The following GNAS variants were observed in gnomAD, a reference collection of about 807,000 sequenced individuals.
GNAS encodes protein ALEX.
A neutral mutation model predicts 54.5 loss-of-function variants in GNAS; 8 were observed. The ratio of observed to expected loss-of-function variants is 0.15; its 90% CI spans 0.09 to 0.26. The LOEUF (loss-of-function observed/expected upper bound fraction) is 0.26. Ranked by LOEUF, GNAS falls within the 10% of genes least tolerant of loss-of-function variation. The pLI is 1.00. For missense variants in GNAS, 170 were observed against 529.8 expected (o/e 0.32, Z 6.67); for synonymous variants, 204 against 191.4 (o/e 1.07, Z -0.54).
chr20:58,894,568 C>T (rs550854325), intron 1 of GNAS, among the ~76,000 whole-genome samples: 3 of 152,108 alleles, frequency 2.0e-5, no homozygotes, highest in Non-Finnish European at 2.9e-5. Context: ...AAACTTCACA[C>T]GTGGATTATC....
chr20:58,896,095 C>G (rs957746296), intron 2 of GNAS, among the ~76,000 whole-genome samples: 6 of 152,138 alleles, frequency 3.9e-5, no homozygotes, highest in African/African-American at 1.4e-4. Flanking sequence ...GCAAATTCAC[C>G]CCACCCCACC....
upstream of GNAS, chr20:58,889,193 C>T (rs1234717482): frequency 1.3e-5 from 16 of 1,215,090 alleles, no homozygotes; most frequent in East Asian, 6.3e-4. Context: ...CGCGTCGGCA[C>T]CGCGGAGCGG....
intron 3 of GNAS, among the ~76,000 whole-genome samples, chr20:58,901,122 C>CT (rs1490319270): frequency 1.3e-5 from 2 of 152,156 alleles, no homozygotes; most frequent in African/African-American, 4.8e-5. Flanking sequence ...ACCTCAAAAC[C>CT]AAAGGTTAAT....
intron 1 of GNAS, among the ~76,000 whole-genome samples, chr20:58,851,504 A>T (rs939752683): frequency 2.6e-5 from 4 of 151,984 alleles, no homozygotes; most frequent in African/African-American, 9.7e-5. Flanking sequence ...AATCTGTCTC[A>T]CTGGTGAGAC....
chr20:58,878,019 A>C (rs1382066493), intron 1 of GNAS, among the ~76,000 whole-genome samples: 1 of 152,148 alleles, frequency 6.6e-6, no homozygotes, highest in Non-Finnish European at 1.5e-5. Context: ...AAAAACAAAG[A>C]AGGTGCATTA....
chr20:58,889,345 C>G, upstream of GNAS: 1 of 985,922 alleles, frequency 1.0e-6, no homozygotes, highest in Non-Finnish European at 1.2e-6. Flanking sequence ...GAGTGCACCT[C>G]ACTCACATGT....
Position 58,895,680 on chromosome 20 carries a change from G to A in GNAS, c.208G>A (p.Gly70Arg). 1 of 1,562,834 alleles carries A rather than the reference G, an allele frequency of 6.4e-7. No homozygotes were observed. Among genetic ancestry groups the A allele is most frequent in the Non-Finnish European group, 8.8e-7 (1 of 1,132,986 alleles). Reference protein sequence around the residue: ...MRILHVNGFNGEGGEEDPQAA... With the variant: ...MRILHVNGFNREGGEEDPQAA... ...GATCCTGCATGTTAATGGGTTTAAT[G>A]GAGAGTAAGTGTCAAATCTGTGCAG... Residue 70 changes from glycine (G) to arginine (R), a missense_variant, in exon 2 of 13, where the codon GGA becomes AGA. Gly to Arg is a moderately radical substitution (Grantham distance 125). Transcript: ENST00000371085.
At chr20:58,886,701 T>C (rs552670202), upstream of GNAS, among the ~76,000 whole-genome samples, 3 of 151,754 alleles carry the variant, frequency 2.0e-5, no homozygotes, top group Non-Finnish European at 4.4e-5. Flanking sequence ...AGAGGTCAAA[T>C]TTGAGGCCAA....
At chr20:58,843,214 C>T (rs1222794646) in intron 1 of GNAS, 1 of 147,212 alleles carries the variant, frequency 6.8e-6, no homozygotes, top group Non-Finnish European at 1.5e-5. Context: ...CAATTCTCCT[C>T]CCCCGCTCAA....
rs766370003 is a variant in GNAS at position 58,910,441 on chromosome 20, C to G, written c.1038+40C>G. 2 of 1,445,410 alleles carry G rather than the reference C, an allele frequency of 1.4e-6. No homozygotes were observed. 89.5% of individuals were successfully genotyped at this position (1,445,410 alleles called of 1,614,324 possible). A position where few individuals can be genotyped will look rare whatever the true frequency, so the allele number is the denominator to read the frequency against. On this transcript the variant is annotated intron_variant, in intron 12 of 12. Transcript: ENST00000371085. This position sits in a 1 kb window ranked among gnomAD's most constrained non-coding sequence, Gnocchi z 5.8. ...TCTTTAGTTTCCTCTCTTGTTCCTC[C>G]TCTTTTTCTCATGGATGTAAATTTA...
intron 6 of GNAS, among the ~76,000 whole-genome samples, chr20:58,905,950 G>A (rs1018881478): frequency 1.3e-5 from 2 of 152,226 alleles, no homozygotes; most frequent in South Asian, 2.1e-4. Flanking sequence ...TCAGGTAAGC[G>A]ACTCTAGTAG....
chr20:58,891,445 G>A lies in GNAS; in HGVS notation c.-282G>A. 1.7e-6 allele frequency: 1 copy of A among 580,922 alleles called. No individual in the cohort carries two copies. Among genetic ancestry groups the A allele is most frequent in the Non-Finnish European group, 2.2e-6 (1 of 462,446 alleles). 36.0% of individuals were successfully genotyped at this position (580,922 alleles called of 1,614,324 possible). A position where few individuals can be genotyped will look rare whatever the true frequency, so the allele number is the denominator to read the frequency against. ...CAGCAGCTCCCGCAGCTCCTGCTCT[G>A]GTCCGCCTCGGCCCGGCGGCGGCCA... On this transcript the variant is annotated 5_prime_UTR_variant, in exon 1 of 13. Transcript: ENST00000371085.
chr20:58,889,797 CGGG>C, upstream of GNAS, among the ~76,000 whole-genome samples: 1 of 151,046 alleles, frequency 6.6e-6, no homozygotes, highest in South Asian at 2.1e-4. Flanking sequence ...ACGGGGCGCA[CGGG>C]GGCCGGGCAG....
intron 1 of GNAS, among the ~76,000 whole-genome samples, chr20:58,876,079 A>T (rs1409541253): frequency 6.6e-6 from 1 of 152,188 alleles, no homozygotes; most frequent in Non-Finnish European, 1.5e-5. Context: ...TCAGAGGTGT[A>T]TTAACAGCTA....
At chr20:58,861,483 C>G (rs924574513) in intron 1 of GNAS, among the ~76,000 whole-genome samples, 1 of 152,162 alleles carries the variant, frequency 6.6e-6, no homozygotes, top group Non-Finnish European at 1.5e-5. Context: ...TTGTTCCCAT[C>G]AGATTCCTGT....
At chr20:58,843,488 C>T in intron 1 of GNAS, 1 of 152,418 alleles carries the variant, frequency 6.6e-6, no homozygotes, top group Non-Finnish European at 1.5e-5. Flanking sequence ...GGCCCTTTGC[C>T]CCACCCTGCT....
intron 1 of GNAS, chr20:58,855,835 C>A: frequency 1.7e-6 from 1 of 590,370 alleles, no homozygotes; most frequent in East Asian, 2.8e-5. Context: ...GTGCATGATA[C>A]GCTGAAGTGT....
intron 1 of GNAS, among the ~76,000 whole-genome samples, chr20:58,870,104 A>C (rs2087341630): frequency 6.6e-6 from 1 of 152,182 alleles, no homozygotes. Flanking sequence ...TTTCTGATCA[A>C]ATTTACCCTC....
chr20:58,893,107 AG>A (rs1324595821), intron 1 of GNAS, among the ~76,000 whole-genome samples: 6 of 94,046 alleles, frequency 6.4e-5, no homozygotes, highest in South Asian at 3.3e-4. Flanking sequence ...TCAAGGTGGG[AG>A]GGGGGATTGA....
Sources: gnomAD v4.1 joint callset for allele counts (sites outside exome capture counted in the v4.1 genomes callset) on GRCh38, gnomAD v4.1.1 for gene constraint, Gnocchi (gnomAD v3.1) non-coding constraint, MANE v1.5 for transcripts, NCBI Gene and HGNC (gene_info 2026-07-23, HGNC 2026-07-21) for gene names.